Variants in FSTL5 observed in about 807,000 individuals in gnomAD.
FSTL5 encodes follistatin-related protein 5.
Under a neutral mutation model 89.1 loss-of-function variants are expected in FSTL5, and 62 were observed. That is an observed-to-expected ratio of 0.70 (90% CI 0.57 to 0.86). The LOEUF is 0.86. Among genes scored for constraint, FSTL5 ranks in the 40% least tolerant of loss-of-function variants. FSTL5 has a pLI of 0.00. For synonymous variants in FSTL5, 383 were observed against 346.2 expected (o/e 1.11, Z -1.18); for missense variants, 1,057 against 1,001.6 (o/e 1.06, Z -0.75).
intron 4 of FSTL5, among the ~76,000 whole-genome samples, chr4:161,902,320 G>A (rs1476992696): frequency 6.6e-6 from 1 of 152,124 alleles, no homozygotes; most frequent in Non-Finnish European, 1.5e-5. Context: ...GTAGTAATAA[G>A]CCTTATCCAA....
At chr4:161,479,138 T>C (rs1729412805) in intron 13 of FSTL5, among the ~76,000 whole-genome samples, 1 of 152,110 alleles carries the variant, frequency 6.6e-6, no homozygotes, top group African/African-American at 2.4e-5. Context: ...AAAATGTGTT[T>C]AGATACTAAG....
intron 6 of FSTL5, among the ~76,000 whole-genome samples, chr4:161,742,539 C>G (rs556529765): frequency 4.1e-4 from 63 of 152,270 alleles, no homozygotes; most frequent in Non-Finnish European, 7.8e-4. Context: ...TAATGTAACG[C>G]TCTCAGTTAG....
At chr4:161,553,642 CTAA>C (rs1732289809) in intron 8 of FSTL5, among the ~76,000 whole-genome samples, 2 of 151,098 alleles carry the variant, frequency 1.3e-5, no homozygotes, top group Non-Finnish European at 3.0e-5. Flanking sequence ...TCATATGGTC[CTAA>C]TAATATAATA....
chr4:161,672,279 C>T (rs1017205883), intron 6 of FSTL5, among the ~76,000 whole-genome samples: 2 of 152,114 alleles, frequency 1.3e-5, no homozygotes, highest in African/African-American at 4.8e-5. Context: ...ATTATAAATA[C>T]TTTCTGTGCC....
intron 8 of FSTL5, among the ~76,000 whole-genome samples, chr4:161,572,081 G>A (rs1733034987): frequency 6.6e-6 from 1 of 151,904 alleles, no homozygotes; most frequent in East Asian, 1.9e-4. Context: ...AGGCCGAGGC[G>A]GGTGGATCAC....
At chr4:161,884,819 T>C (rs1184889943) in intron 4 of FSTL5, among the ~76,000 whole-genome samples, 2 of 152,148 alleles carry the variant, frequency 1.3e-5, no homozygotes, top group African/African-American at 4.8e-5. Flanking sequence ...TTTTTAAAAA[T>C]CTGAAACTGA....
chr4:161,421,261 A>C (rs1250473143), intron 15 of FSTL5, among the ~76,000 whole-genome samples: 1 of 151,980 alleles, frequency 6.6e-6, no homozygotes, highest in Non-Finnish European at 1.5e-5. Flanking sequence ...GAATGGCATG[A>C]ACCCGGGAGG....
At chr4:161,697,823 C>A (rs1302890772) in intron 6 of FSTL5, among the ~76,000 whole-genome samples, 1 of 152,104 alleles carries the variant, frequency 6.6e-6, no homozygotes, top group African/African-American at 2.4e-5. Context: ...TGAAACAAAT[C>A]TCTAGAGCCT....
intron 6 of FSTL5, among the ~76,000 whole-genome samples, chr4:161,742,220 G>A (rs1347321928): frequency 6.6e-6 from 1 of 152,070 alleles, no homozygotes; most frequent in East Asian, 1.9e-4. Flanking sequence ...GGGGAGTGAA[G>A]GACCATTAAA....
chr4:161,918,547 A>G (rs1014279994), intron 4 of FSTL5, among the ~76,000 whole-genome samples: 3 of 152,198 alleles, frequency 2.0e-5, no homozygotes, highest in Admixed American at 6.5e-5. Flanking sequence ...TTGTTCATGC[A>G]TCCTATCCTG....
At chr4:161,622,072 A>C (rs970856160) in intron 7 of FSTL5, among the ~76,000 whole-genome samples, 1 of 152,034 alleles carries the variant, frequency 6.6e-6, no homozygotes, top group South Asian at 2.1e-4. Flanking sequence ...TATGCTAAAA[A>C]CATTAGAAGT....
chr4:161,789,793 T>C (rs1367239672), intron 4 of FSTL5, among the ~76,000 whole-genome samples: 1 of 152,172 alleles, frequency 6.6e-6, no homozygotes, highest in African/African-American at 2.4e-5. Flanking sequence ...TCTTATTATA[T>C]GATATATAGG....
intron 13 of FSTL5, among the ~76,000 whole-genome samples, chr4:161,472,459 A>G (rs1441285094): frequency 4.0e-5 from 6 of 150,668 alleles, no homozygotes; most frequent in African/African-American, 7.3e-5. Context: ...ATATTTCTTG[A>G]TTTTTTTAAA....
intron 3 of FSTL5, among the ~76,000 whole-genome samples, chr4:161,989,137 G>C (rs921256433): frequency 2.0e-5 from 3 of 152,128 alleles, no homozygotes; most frequent in African/African-American, 7.2e-5. Flanking sequence ...GAAAAGGGCA[G>C]TCTCTGCCAG....
intron 2 of FSTL5, among the ~76,000 whole-genome samples, chr4:162,101,079 T>G (rs1730978675): frequency 6.6e-6 from 1 of 152,182 alleles, no homozygotes; most frequent in South Asian, 2.1e-4. Flanking sequence ...GACAGCCAGG[T>G]GGCTAGCTCA....
chr4:161,577,213 C>T (rs1733248251), intron 8 of FSTL5, among the ~76,000 whole-genome samples: 2 of 151,920 alleles, frequency 1.3e-5, no homozygotes, highest in Admixed American at 1.3e-4. Flanking sequence ...AGGGCTGATG[C>T]TGTCAATATT....
At chr4:161,739,788 A>T (rs1739940524) in intron 6 of FSTL5, among the ~76,000 whole-genome samples, 1 of 152,102 alleles carries the variant, frequency 6.6e-6, no homozygotes, top group Non-Finnish European at 1.5e-5. Context: ...TGCAAGTTTA[A>T]AACATGAGTA....
At position 161,605,092 on chromosome 4, in the gene FSTL5, T is replaced by C. The variant is rs73862336; in HGVS notation, c.895-17517A>G. The stretch of plus-strand genomic sequence containing the variant: ...GTGGTTTACTGCAGGCCACATGTTT[T>C]GCTCTGTACTCATTTTATATCCTAC... On this transcript the variant is annotated intron_variant, in intron 7 of 15. Transcript: ENST00000306100. Among the ~76,000 whole-genome samples the C allele has an allele frequency of 5.9e-3, 893 of 152,310 alleles. 7 individuals carry two copies. Among genetic ancestry groups the C allele is most frequent in the African/African-American group, 0.02 (847 of 41,568 alleles).
intron 8 of FSTL5, among the ~76,000 whole-genome samples, chr4:161,560,797 C>T (rs561774141): frequency 2.0e-4 from 30 of 151,942 alleles, no homozygotes; most frequent in African/African-American, 6.7e-4. Flanking sequence ...GACAACAATG[C>T]CTTCTTCTAG....
Sources: gnomAD v4.1 joint callset for allele counts (sites outside exome capture counted in the v4.1 genomes callset) on GRCh38, gnomAD v4.1.1 for gene constraint, MANE v1.5 for transcripts, NCBI Gene and HGNC (gene_info 2026-07-23, HGNC 2026-07-21) for gene names.